BAZ1B: variants seen among roughly 807,000 people sequenced by gnomAD.
The protein encoded by BAZ1B is bromodomain adjacent to zinc finger domain 1B.
A neutral mutation model predicts 153.8 loss-of-function variants in BAZ1B; 22 were observed. The observed-to-expected ratio is 0.14, with a 90% CI of 0.10 to 0.20. The LOEUF (loss-of-function observed/expected upper bound fraction) is 0.20. Ranked by LOEUF, BAZ1B falls within the 10% of genes least tolerant of loss-of-function variation. BAZ1B has a pLI of 1.00. For synonymous variants in BAZ1B, 676 were observed against 633.4 expected (o/e 1.07, Z -1.01); for missense variants, 1,325 against 1,799.3 (o/e 0.74, Z 4.77).
At chr7:73,510,345 C>T (rs1245024213) in intron 2 of BAZ1B, among the ~76,000 whole-genome samples, 8 of 152,118 alleles carry the variant, frequency 5.3e-5, no homozygotes, top group Admixed American at 5.2e-4. Flanking sequence ...AGGAGAATCA[C>T]TTGAACCCGG....
At position 73,492,326 on chromosome 7, in the gene BAZ1B, C is replaced by T. The variant is rs1282465592; in HGVS notation, c.693+474G>A. 2.6e-5 allele frequency among the ~76,000 whole-genome samples: 4 copies of T among 152,284 alleles called. No homozygotes were observed. In the East Asian group the frequency reaches 5.8e-4, roughly 22 times the overall value. ...TACATGCGCCCGCCACCACGCCCGG[C>T]TAATTTTTTGTATTTTTAGTAGAGA... On this transcript the variant is annotated intron_variant, in intron 5 of 19. Transcript: ENST00000339594.
chr7:73,452,435 C>T (rs1788053203), intron 13 of BAZ1B, among the ~76,000 whole-genome samples: 1 of 152,114 alleles, frequency 6.6e-6, no homozygotes, highest in Non-Finnish European at 1.5e-5. Flanking sequence ...AAAAGTGATA[C>T]ACGTTCGGCC....
intron 1 of BAZ1B, among the ~76,000 whole-genome samples, chr7:73,511,281 T>TA (rs1166177557): frequency 5.4e-4 from 80 of 148,520 alleles, no homozygotes; most frequent in South Asian, 1.9e-3. Flanking sequence ...CTAAAAAAAA[T>TA]AAAAAAAAAT....
intron 5 of BAZ1B, among the ~76,000 whole-genome samples, chr7:73,490,863 C>A (rs183152690): frequency 1.3e-5 from 2 of 151,934 alleles, no homozygotes; most frequent in African/African-American, 4.8e-5. Context: ...CCTCGGCCTC[C>A]CAAAGTGCTG....
intron 13 of BAZ1B, among the ~76,000 whole-genome samples, chr7:73,455,025 G>A (rs1427548417): frequency 6.6e-6 from 1 of 151,532 alleles, no homozygotes; most frequent in African/African-American, 2.4e-5. Flanking sequence ...CACCACACTC[G>A]GGGTGTGTGT....
Position 73,465,363 on chromosome 7 carries a change from G to GA in BAZ1B, c.3071+75dup, listed in dbSNP as rs1370753421. On this transcript the variant is annotated intron_variant, in intron 11 of 19. Coordinates refer to ENST00000339594, the MANE Select transcript of BAZ1B (RefSeq NM_032408.4). ...TTACTTTAGTAACTTAAATGGATAA[G>GA]AAAAAAAACCCTCAGATATTTATAT... 92 of 1,011,012 alleles carry GA rather than the reference G, an allele frequency of 9.1e-5. 1 individual carries two copies. Among genetic ancestry groups the GA allele is most frequent in the South Asian group, 1.6e-4 (8 of 51,298 alleles). The allele number at this position is 1,011,012 out of a possible 1,614,324, so 62.6% of individuals were successfully genotyped here.
chr7:73,472,415 C>A (rs564596537), intron 7 of BAZ1B, among the ~76,000 whole-genome samples: 1 of 151,968 alleles, frequency 6.6e-6, no homozygotes, highest in Admixed American at 6.6e-5. Flanking sequence ...TGTGTCACCA[C>A]GCCCGGCTAA....
chr7:73,494,738 G>A (rs1583933866), intron 4 of BAZ1B, among the ~76,000 whole-genome samples: 2 of 152,156 alleles, frequency 1.3e-5, no homozygotes, highest in East Asian at 3.9e-4. Context: ...AACAGAGCAA[G>A]ACCCTGTCTC....
chr7:73,453,209 C>T (rs570949283), intron 13 of BAZ1B, among the ~76,000 whole-genome samples: 1 of 152,342 alleles, frequency 6.6e-6, no homozygotes, highest in East Asian at 1.9e-4. Flanking sequence ...TGGGGAACCA[C>T]GAGGCATAAT....
rs540189678 is a variant in BAZ1B at position 73,512,235 on chromosome 7, G to A, written c.108-1383C>T. On this transcript the variant is annotated intron_variant, in intron 1 of 19. Transcript: ENST00000339594. ...CTTTGTCCAACCTGCGGCCCAGGAC[G>A]GCTTTGAACACAGCCCAACACAAGT... 5.3e-5 allele frequency among the ~76,000 whole-genome samples: 8 copies of A among 151,392 alleles called. No homozygotes were observed. In the South Asian group the frequency reaches 6.3e-4, roughly 12 times the overall value.
rs193065025 is a variant in BAZ1B, at chr7:73,445,912, T to C, written c.3844+1352A>G. ...CCAAACAAAGGTGTGCCCAAGTCAC[T>C]GACTCTGACCAACAGAAGAGGATAT... On this transcript the variant is annotated intron_variant, in intron 16 of 19. Coordinates refer to ENST00000339594, the MANE Select transcript of BAZ1B (RefSeq NM_032408.4). 2.0e-3 allele frequency among the ~76,000 whole-genome samples: 302 copies of C among 152,304 alleles called. 5 individuals carry two copies. Among genetic ancestry groups the C allele is most frequent in the Middle Eastern group, 0.01 (3 of 294 alleles).
Position 73,511,057 on chromosome 7 carries a change from G to C in BAZ1B, c.108-205C>G, listed in dbSNP as rs199642662. ...GAGGCCGAGGCGGGCGGATCACGAG[G>C]TCAGATCGAGACCAGCCTGGCTAAC... is the stretch of plus-strand genomic sequence containing the variant. On this transcript the variant is annotated intron_variant, in intron 1 of 19. Coordinates refer to ENST00000339594, the MANE Select transcript of BAZ1B (RefSeq NM_032408.4). Among the ~76,000 whole-genome samples the C allele has an allele frequency of 8.5e-5, 13 of 152,138 alleles. No homozygotes were observed. The East Asian group carries it at 2.3e-3, about 27-fold the overall frequency.
Position 73,441,676 on chromosome 7 carries a change from A to G in BAZ1B, c.*33T>C. 1 of 156,222 alleles carries G rather than the reference A, an allele frequency of 6.4e-6. No homozygotes were observed. The highest frequency in any genetic ancestry group is 1.4e-5 in the Non-Finnish European group (1 of 70,470). The allele number at this position is 156,222 out of a possible 1,614,324, so 9.7% of individuals were successfully genotyped here. A position where few individuals can be genotyped will look rare whatever the true frequency, so the allele number is the denominator to read the frequency against. On this transcript the variant is annotated 3_prime_UTR_variant, in exon 20 of 20. Coordinates refer to ENST00000339594, the MANE Select transcript of BAZ1B (RefSeq NM_032408.4). Reference sequence around the variant, plus strand: ...TGGTGAATACACAATTCTGTATGGCACTCACTGATACTGTCACCTGAGAGG... The same window carrying G: ...TGGTGAATACACAATTCTGTATGGCGCTCACTGATACTGTCACCTGAGAGG...
At chr7:73,463,699 C>CT (rs1188701334) in intron 11 of BAZ1B, among the ~76,000 whole-genome samples, 61 of 151,816 alleles carry the variant, frequency 4.0e-4, no homozygotes, top group African/African-American at 1.3e-3. Context: ...CGACATTTTC[C>CT]TTTGTCTTTT....
At chr7:73,512,983 C>T (rs957278882) in intron 1 of BAZ1B, among the ~76,000 whole-genome samples, 6 of 152,128 alleles carry the variant, frequency 3.9e-5, no homozygotes, top group Non-Finnish European at 1.5e-5. Context: ...GACACAGGGT[C>T]TCACTCTGTC....
intron 1 of BAZ1B, among the ~76,000 whole-genome samples, chr7:73,516,788 A>AC (rs1224495910): frequency 6.6e-6 from 1 of 150,716 alleles, no homozygotes; most frequent in Non-Finnish European, 1.5e-5. Flanking sequence ...AAAAAAAAAA[A>AC]AAAAAAAAAA....
chr7:73,468,520 T>C (rs1431095019), intron 9 of BAZ1B, among the ~76,000 whole-genome samples: 1 of 152,226 alleles, frequency 6.6e-6, no homozygotes, highest in East Asian at 1.9e-4. Flanking sequence ...ATTTGTTTTA[T>C]TTCTTTCTTG....
chr7:73,501,105 A>G (rs1294812040), intron 3 of BAZ1B, among the ~76,000 whole-genome samples: 1 of 151,826 alleles, frequency 6.6e-6, no homozygotes, highest in Non-Finnish European at 1.5e-5. Context: ...AAAAATACAA[A>G]ATTAGCTGGG....
rs782753509 is a variant in BAZ1B, at chr7:73,477,211, T to C, written c.2250A>G (p.Thr750=). The change falls in exon 7 of 20, where the codon ACA becomes ACG. Residue 750 remains threonine, a synonymous_variant. Transcript: ENST00000339594. This position sits in a 1 kb window ranked among gnomAD's most constrained non-coding sequence, Gnocchi z 5.6. ...TCATGAGGATCCGGTGGCACAGTGCTGTCAAGATCTGTAGCTTCTCCTCTG... is the reference window on the plus strand; with the variant it reads ...TCATGAGGATCCGGTGGCACAGTGCCGTCAAGATCTGTAGCTTCTCCTCTG... ...LTSEEKLQIL[T]ALCHRILMTY... is the part of the protein sequence containing the mutation. 7 of 1,614,144 alleles carry C rather than the reference T, an allele frequency of 4.3e-6. No homozygotes were observed. The highest frequency in any genetic ancestry group is 5.1e-6 in the Non-Finnish European group (6 of 1,180,060).
Sources: gnomAD v4.1 joint callset for allele counts (sites outside exome capture counted in the v4.1 genomes callset) on GRCh38, gnomAD v4.1.1 for gene constraint, Gnocchi (gnomAD v3.1) non-coding constraint, MANE v1.5 for transcripts, NCBI Gene and HGNC (gene_info 2026-07-23, HGNC 2026-07-21) for gene names.